The following REV1 variants were observed in gnomAD, a reference collection of about 807,000 sequenced individuals.
The protein encoded by REV1 is translesion synthesis protein REV1.
A neutral mutation model predicts 137.4 loss-of-function variants in REV1; 42 were observed. That is an observed-to-expected ratio of 0.31 (90% CI 0.24 to 0.40). The LOEUF (loss-of-function observed/expected upper bound fraction) is 0.40, where lower values mean the gene tolerates loss of function less well. REV1 is among the 10% of genes least tolerant of loss of function. The pLI, the probability that REV1 is intolerant of heterozygous loss-of-function variation, is 1.00. For missense variants in REV1, 1,282 were observed against 1,490.1 expected, an observed-to-expected ratio of 0.86 and a Z score of 2.30; for synonymous variants, 524 against 519.2, an observed-to-expected ratio of 1.01 and a Z score of -0.12.
At chr2:99,412,587 A>G (rs1165655723) in intron 13 of REV1, 144 bp downstream of exon 13, 7 of 655,278 alleles carry the variant, frequency 1.1e-5, no homozygotes, top group African/African-American at 1.8e-5. Flanking sequence ...ACAGTGCCTT[A>G]AAAGGCCTTC....
chr2:99,449,444 T>C lies in REV1; in HGVS notation c.242A>G (p.Tyr81Cys), dbSNP rs1559368808. 6.4e-7 allele frequency: 1 copy of C among 1,567,012 alleles called. No individual in the cohort carries two copies. Among genetic ancestry groups the C allele is most frequent in the South Asian group, 1.2e-5 (1 of 80,642 alleles). Residue 81 changes from tyrosine to cysteine, a missense_variant, in exon 4 of 23, where the codon TAT becomes TGT. Physicochemically the swap from Tyr to Cys is radical, Grantham distance 194. Around this residue, in one of 7 missense-constraint regions of REV1, gnomAD observed 107 missense variants for 164.3 expected, o/e 0.65. Transcript: ENST00000258428. ...MMLHGGQYHV[Y>C]YSRSKTTHII... ...ATGTGTTGTTTTAGATCTGGAATAA[T>C]ATACATGGTATTGACCTCCATGCAA...
chr2:99,433,943 T>C (rs1680421416), intron 8 of REV1, among the ~76,000 whole-genome samples: 1 of 141,438 alleles, frequency 7.1e-6, no homozygotes, highest in Non-Finnish European at 1.6e-5. Flanking sequence ...TTAATTCCAA[T>C]AAATTAAAAG....
At chr2:99,444,078 C>T (rs1681869314) in intron 4 of REV1, among the ~76,000 whole-genome samples, 2 of 152,194 alleles carry the variant, frequency 1.3e-5, no homozygotes, top group South Asian at 4.1e-4. Flanking sequence ...CCTCTGCCTC[C>T]CAAAGTGCTG....
At chr2:99,441,693 A>G (rs1681503940) in intron 5 of REV1, among the ~76,000 whole-genome samples, 1 of 152,236 alleles carries the variant, frequency 6.6e-6, no homozygotes, top group Non-Finnish European at 1.5e-5. Context: ...AAAGCAATAC[A>G]GCAAATTACT....
At chr2:99,483,034 AT>A (rs57090260) in intron 1 of REV1, among the ~76,000 whole-genome samples, 182 of 132,860 alleles carry the variant, frequency 1.4e-3, no homozygotes, top group South Asian at 3.2e-3. Flanking sequence ...AAAAAAAAAA[AT>A]TTTTTTTTTG....
chr2:99,427,971 T>A (rs894734108), intron 9 of REV1, among the ~76,000 whole-genome samples: 7 of 152,120 alleles, frequency 4.6e-5, no homozygotes, highest in African/African-American at 1.4e-4. Flanking sequence ...AAATGCACCA[T>A]CCAAACACCC....
At chr2:99,467,607 A>G (rs2105180792) in intron 1 of REV1, among the ~76,000 whole-genome samples, 1 of 152,322 alleles carries the variant, frequency 6.6e-6, no homozygotes, top group Admixed American at 6.5e-5. Context: ...CAGTGCTAGG[A>G]GAGAAAAAGT....
At chr2:99,451,500 A>C (rs907005758) in intron 3 of REV1, 2 of 1,303,538 alleles carry the variant, frequency 1.5e-6, no homozygotes, top group Non-Finnish European at 2.0e-6. Flanking sequence ...ATGAAAACCA[A>C]TCTAGTTAAA....
intron 7 of REV1, among the ~76,000 whole-genome samples, chr2:99,434,804 T>C (rs1425608151): frequency 6.6e-6 from 1 of 151,122 alleles, no homozygotes; most frequent in Non-Finnish European, 1.5e-5. Flanking sequence ...AAAAACTAAA[T>C]TTTTTTTTGT....
chr2:99,444,096 A>C (rs992971468), intron 4 of REV1, among the ~76,000 whole-genome samples: 1 of 152,178 alleles, frequency 6.6e-6, no homozygotes, highest in Non-Finnish European at 1.5e-5. Context: ...CTGGGATTAC[A>C]GGTGTGAGCC....
At chr2:99,411,955 C>T (rs185533242) in intron 13 of REV1, among the ~76,000 whole-genome samples, 23 of 151,754 alleles carry the variant, frequency 1.5e-4, no homozygotes, top group African/African-American at 4.9e-4. Flanking sequence ...CATATCCAGC[C>T]GGGCGCAGTG....
intron 14 of REV1, 78 bp downstream of exon 14, chr2:99,410,617 G>T: frequency 1.6e-6 from 2 of 1,269,564 alleles, no homozygotes; most frequent in Non-Finnish European, 2.2e-6. Context: ...ACTCCTCCTT[G>T]GTTTTCTTCA....
chr2:99,435,355 G>C (rs1680608583), intron 7 of REV1: 1 of 152,348 alleles, frequency 6.6e-6, no homozygotes, highest in South Asian at 2.1e-4. Flanking sequence ...ATTTCACTAA[G>C]ACAAAGACTG....
intron 15 of REV1, among the ~76,000 whole-genome samples, chr2:99,407,363 C>T (rs1676479221): frequency 6.6e-6 from 1 of 151,200 alleles, no homozygotes; most frequent in Non-Finnish European, 1.5e-5. Context: ...CCAGCCTGGC[C>T]AACATGGTGA....
chr2:99,456,365 G>T (rs986984775), intron 3 of REV1, among the ~76,000 whole-genome samples: 4 of 152,334 alleles, frequency 2.6e-5, no homozygotes, highest in Admixed American at 6.5e-5. Context: ...AATAAGTCAT[G>T]CAAGTAATAC....
intron 12 of REV1, among the ~76,000 whole-genome samples, chr2:99,417,481 G>C (rs1421173239): frequency 6.6e-6 from 1 of 152,132 alleles, no homozygotes; most frequent in Non-Finnish European, 1.5e-5. Context: ...TCTTTAAAGG[G>C]TAATTAAGAT....
At chr2:99,453,634 C>T (rs1406130266) in intron 3 of REV1, among the ~76,000 whole-genome samples, 1 of 151,954 alleles carries the variant, frequency 6.6e-6, no homozygotes, top group East Asian at 1.9e-4. Context: ...GCGGCTCACA[C>T]CTATAATCCT....
chr2:99,412,367 G>A (rs1024592613), intron 13 of REV1, among the ~76,000 whole-genome samples: 2 of 151,688 alleles, frequency 1.3e-5, no homozygotes, highest in Non-Finnish European at 1.5e-5. Context: ...ATAAGGAGGG[G>A]TTTGCTGAAA....
At chr2:99,413,624 T>C (rs937355248) in intron 12 of REV1, among the ~76,000 whole-genome samples, 5 of 152,136 alleles carry the variant, frequency 3.3e-5, no homozygotes, top group African/African-American at 9.7e-5. Context: ...AGTCCCTATG[T>C]CCTATTCTGC....
Sources: allele counts gnomAD v4.1 joint callset (sites outside exome capture counted in the v4.1 genomes callset), GRCh38; gene constraint gnomAD v4.1.1; regional missense constraint gnomAD v4.1.1; transcripts MANE v1.5; gene names NCBI Gene and HGNC (gene_info 2026-07-23, HGNC 2026-07-21).